Variants in PAQR3 observed in about 807,000 individuals in gnomAD.
PAQR3 encodes progestin and adipoQ receptor family member 3, also known as Raf kinase trapping to Golgi.
PAQR3 carries 39 observed loss-of-function variants against 41.7 expected under a neutral mutation model. That is an observed-to-expected ratio of 0.93 (90% CI 0.72 to 1.22). PAQR3 has a LOEUF of 1.22. PAQR3 is among the 50% of genes most tolerant of loss of function. The pLI is 0.00. For synonymous variants in PAQR3, 140 were observed against 140.6 expected (o/e 1.00, Z 0.03); for missense variants, 366 against 385.6 (o/e 0.95, Z 0.42).
chr4:78,902,976 T>C lies in PAQR3; in HGVS notation c.*836+3132A>G, dbSNP rs149970605. On this transcript the variant is annotated intron_variant and NMD_transcript_variant, in intron 11 of 12. Coordinates refer to the PAQR3 transcript ENST00000342820. ...TGTTTAAAAAATGCTATAACAAATA[T>C]ATGAAAATGTAGCCTAAGAAATGTT... Among the ~76,000 whole-genome samples the C allele has an allele frequency of 5.7e-4, 87 of 152,238 alleles. 4 individuals are homozygous for C. In the East Asian group the frequency reaches 9.8e-3, roughly 17 times the overall value.
chr4:78,927,960 G>T (rs1321490062), intron 3 of PAQR3, among the ~76,000 whole-genome samples: 1 of 152,142 alleles, frequency 6.6e-6, no homozygotes, highest in Admixed American at 6.6e-5. Context: ...AAGGTAAAAC[G>T]AGTCTTTTAT....
chr4:78,934,761 G>C (rs1737249404), intron 2 of PAQR3, among the ~76,000 whole-genome samples: 1 of 152,156 alleles, frequency 6.6e-6, no homozygotes. Flanking sequence ...AACACAAACA[G>C]GAGGAAAGAG....
chr4:78,932,032 TA>T (rs2110163835), intron 2 of PAQR3, among the ~76,000 whole-genome samples: 2 of 152,102 alleles, frequency 1.3e-5, no homozygotes, highest in East Asian at 3.9e-4. Flanking sequence ...ATGGGACAAA[TA>T]AACAGTATAA....
At position 78,939,147 on chromosome 4, in the gene PAQR3, AC is replaced by A; in HGVS notation, c.77del (p.Arg26LeufsTer46). The A allele has an allele frequency of 1.9e-6, 3 of 1,613,726 alleles. No homozygotes were observed. Among genetic ancestry groups the A allele is most frequent in the Non-Finnish European group, 2.5e-6 (3 of 1,179,848 alleles). On this transcript the variant is annotated frameshift_variant, in exon 1 of 6. Coordinates refer to ENST00000512733, the MANE Select transcript of PAQR3 (RefSeq NM_001040202.2). LOFTEE classifies it high-confidence loss of function. The part of the protein sequence containing the change: ...SYQYWPVLVP[R>X]GIRLYTYEQI... ...GCTCGTAGGTGTACAGGCGGATGCC[AC>A]GGGGCACCAGGACCGGCCAGTACTG...
chr4:78,931,720 G>A (rs1349728962), intron 2 of PAQR3, among the ~76,000 whole-genome samples: 6 of 152,124 alleles, frequency 3.9e-5, no homozygotes, highest in African/African-American at 1.4e-4. Flanking sequence ...TCAGAGAAGG[G>A]CTGTTCACCT....
intron 2 of PAQR3, 136 bp from the exon 3 acceptor site, chr4:78,930,461 A>G: frequency 1.2e-6 from 1 of 862,528 alleles, no homozygotes; most frequent in South Asian, 2.0e-5. Flanking sequence ...TCTGTGCCTT[A>G]CATGGCTACT....
At chr4:78,904,581 A>C (rs192020367) in intron 11 of PAQR3, among the ~76,000 whole-genome samples, 116 of 152,050 alleles carry the variant, frequency 7.6e-4, no homozygotes, top group Admixed American at 1.8e-3. Context: ...CACTCACCTT[A>C]TTCTCAGAAT....
rs770348316 is a variant in PAQR3 at position 78,930,275 on chromosome 4, T to A, written c.399A>T (p.Ser133=). The change falls in exon 3 of 6, where the codon TCA becomes TCT. Residue 133 remains serine, a synonymous_variant. Transcript: ENST00000512733. ...CCATCCATCTTCGACATGTTTTTTCTGACCGATGGCAGGAAAAAAGATGAT... is the reference window on the plus strand; with the variant it reads ...CCATCCATCTTCGACATGTTTTTTCAGACCGATGGCAGGAAAAAAGATGAT... ...VGYHLFSCHR[S]EKTCRRWMAL... 15 of 1,613,722 alleles carry A rather than the reference T, an allele frequency of 9.3e-6. No homozygotes were observed. The Admixed American group carries it at 1.3e-4, about 14-fold the overall frequency.
At chr4:78,926,420 C>T (rs1004739972) in intron 4 of PAQR3, 101 bp downstream of exon 4, 1 of 948,038 alleles carries the variant, frequency 1.1e-6, no homozygotes, top group Non-Finnish European at 1.6e-6. Flanking sequence ...TCTCAAATGA[C>T]AAACATCTAC....
chr4:78,895,866 G>A (rs1733674313), intron 11 of PAQR3, among the ~76,000 whole-genome samples: 2 of 143,940 alleles, frequency 1.4e-5, no homozygotes, highest in East Asian at 1.9e-4. Flanking sequence ...AGCTCAAGCA[G>A]TCCTCCCACC....
chr4:78,906,929 G>A (rs1427151644), downstream of PAQR3, among the ~76,000 whole-genome samples: 3 of 151,992 alleles, frequency 2.0e-5, no homozygotes, highest in African/African-American at 7.3e-5. Flanking sequence ...ATTATTATTG[G>A]GTTAGCTTTA....
chr4:78,897,187 G>GT (rs971642709), intron 11 of PAQR3, among the ~76,000 whole-genome samples: 2 of 142,138 alleles, frequency 1.4e-5, no homozygotes, highest in South Asian at 2.1e-4. Context: ...TTAAGAAAAT[G>GT]TTTTTTTGAT....
chr4:78,923,808 G>T, intron 5 of PAQR3, 49 bp downstream of exon 5: 1 of 1,211,238 alleles, frequency 8.3e-7, no homozygotes, highest in Non-Finnish European at 1.2e-6. Flanking sequence ...TATACCTTGG[G>T]CATATATTTA....
chr4:78,896,621 C>T (rs1246766206), intron 11 of PAQR3, among the ~76,000 whole-genome samples: 8 of 152,150 alleles, frequency 5.3e-5, no homozygotes, highest in Admixed American at 5.2e-4. Flanking sequence ...GAATGCAGTG[C>T]AGTGAGATCT....
At chr4:78,935,309 G>T in intron 1 of PAQR3, 26 bp from the exon 2 acceptor site, 1 of 1,599,878 alleles carries the variant, frequency 6.3e-7, no homozygotes, top group Non-Finnish European at 8.5e-7. Context: ...ACATGCAACT[G>T]AGATTCACAT....
At chr4:78,909,872 CT>C (rs1278595992), downstream of PAQR3, among the ~76,000 whole-genome samples, 26 of 152,302 alleles carry the variant, frequency 1.7e-4, 1 homozygote, top group African/African-American at 6.0e-4. Context: ...CCCTATATTT[CT>C]TTCGTTGAAT....
At chr4:78,901,575 C>T (rs917644654) in intron 11 of PAQR3, among the ~76,000 whole-genome samples, 3 of 152,266 alleles carry the variant, frequency 2.0e-5, no homozygotes, top group African/African-American at 7.2e-5. Context: ...GTGTTGACTA[C>T]AGTATACTCA....
rs979553275 is a variant in PAQR3, at chr4:78,919,077, A to C, written c.*1462T>G. The C allele has an allele frequency of 2.0e-6, 2 of 984,950 alleles. No individual in the cohort carries two copies. The highest frequency in any genetic ancestry group is 3.5e-5 in the African/African-American group (2 of 57,192). 61.0% of individuals were successfully genotyped at this position (984,950 alleles called of 1,614,324 possible). On this transcript the variant is annotated 3_prime_UTR_variant, in exon 6 of 6. Transcript: ENST00000512733. ...ACTAGCATGGGGAATTTATATTCCA[A>C]AAACACTACACTGGAAAAGAAACAC...
downstream of PAQR3, among the ~76,000 whole-genome samples, chr4:78,907,380 G>A (rs973519383): frequency 2.0e-5 from 3 of 152,108 alleles, no homozygotes; most frequent in Admixed American, 2.0e-4. Flanking sequence ...AGAAGACTAG[G>A]GAGTACAATG....
Sources: allele counts gnomAD v4.1 joint callset (sites outside exome capture counted in the v4.1 genomes callset), GRCh38; gene constraint gnomAD v4.1.1; transcripts MANE v1.5; gene names NCBI Gene and HGNC (gene_info 2026-07-23, HGNC 2026-07-21).